ZNF714: variants seen among roughly 807,000 people sequenced by gnomAD.
The protein encoded by ZNF714 is zinc finger protein 714.
ZNF714 carries 32 observed loss-of-function variants against 46.2 expected under a neutral mutation model. The ratio of observed to expected loss-of-function variants is 0.69; its 90% CI spans 0.52 to 0.93. The LOEUF (loss-of-function observed/expected upper bound fraction) is 0.93, where lower values mean the gene tolerates loss of function less well. ZNF714 is among the 40% of genes least tolerant of loss of function. The probability of loss-of-function intolerance (pLI) is 0.00; values close to 1 mark genes in which losing one functional copy is unlikely to be tolerated. For missense variants in ZNF714, 635 were observed against 646.3 expected, an observed-to-expected ratio of 0.98 and a Z score of 0.19; for synonymous variants, 199 against 213.1, an observed-to-expected ratio of 0.93 and a Z score of 0.58.
rs1057487845 is a variant in ZNF714, at chr19:21,124,741, T to A, written c.*6409T>A. ...TATAATTACTTATTATTTGACAGACTTTCCAAACCCCCATTTCTTCTAAAT... is the reference window on the plus strand; with the variant it reads ...TATAATTACTTATTATTTGACAGACATTCCAAACCCCCATTTCTTCTAAAT... On this transcript the variant is annotated 3_prime_UTR_variant, in exon 5 of 5. Transcript: ENST00000456283. 6.6e-6 allele frequency among the ~76,000 whole-genome samples: 1 copy of A among 151,994 alleles called. No homozygotes were observed. Among genetic ancestry groups the A allele is most frequent in the African/African-American group, 2.4e-5 (1 of 41,398 alleles).
intron 3 of ZNF714, among the ~76,000 whole-genome samples, chr19:21,098,598 T>A (rs1969097210): frequency 6.6e-6 from 1 of 152,180 alleles, no homozygotes; most frequent in Non-Finnish European, 1.5e-5. Context: ...AAATCTATTT[T>A]CCACTGTCAA....
chr19:21,083,365 C>T (rs566837124), intron 1 of ZNF714, among the ~76,000 whole-genome samples: 1 of 152,256 alleles, frequency 6.6e-6, no homozygotes, highest in African/African-American at 2.4e-5. Context: ...AATCCAGGGA[C>T]TAGAGACACC....
At chr19:21,083,042 A>AT (rs71176807) in intron 1 of ZNF714, among the ~76,000 whole-genome samples, 118,589 of 148,360 alleles carry the variant, frequency 0.8, 49,350 homozygotes, top group Non-Finnish European at 0.91. Flanking sequence ...CCTCAGTTAG[A>AT]TTTTTTTTTT....
intron 4 of ZNF714, among the ~76,000 whole-genome samples, chr19:21,115,953 T>A (rs1344981612): frequency 6.6e-6 from 1 of 151,774 alleles, no homozygotes; most frequent in East Asian, 1.9e-4. Context: ...TTTTAATTTT[T>A]AAAATTAATA....
chr19:21,083,067 C>T (rs1467272458), intron 1 of ZNF714, among the ~76,000 whole-genome samples: 2 of 149,632 alleles, frequency 1.3e-5, no homozygotes, highest in African/African-American at 2.5e-5. Flanking sequence ...GATGGAGTTT[C>T]GCTCTTGTTG....
intron 2 of ZNF714, among the ~76,000 whole-genome samples, chr19:21,093,805 T>C (rs1599533182): frequency 6.6e-6 from 1 of 151,740 alleles, no homozygotes; most frequent in East Asian, 1.9e-4. Context: ...AACTTCTTTT[T>C]CTATCGTTTG....
At chr19:21,088,818 A>G (rs1336510297) in intron 2 of ZNF714, among the ~76,000 whole-genome samples, 1 of 152,192 alleles carries the variant, frequency 6.6e-6, no homozygotes, top group Non-Finnish European at 1.5e-5. Context: ...ATGGCTTAAT[A>G]AGTAAACAGC....
At chr19:21,093,965 A>G (rs1425549432) in intron 2 of ZNF714, among the ~76,000 whole-genome samples, 1 of 152,036 alleles carries the variant, frequency 6.6e-6, no homozygotes, top group Non-Finnish European at 1.5e-5. Context: ...GTCTACATTA[A>G]TAGGCAATTA....
rs139379711 is a variant in ZNF714, at chr19:21,096,901, C to G, written c.-84-1284C>G. Among the ~76,000 whole-genome samples, 271 of 152,256 alleles carry G rather than the reference C, an allele frequency of 1.8e-3. 1 individual carries two copies. The highest frequency in any genetic ancestry group is 6.4e-3 in the African/African-American group (264 of 41,536). ...TTATTGTTTGAGACAGAGTCTCGCT[C>G]TGTTGCCCAGGCTAGAGTGCAGTGG... On this transcript the variant is annotated intron_variant, in intron 2 of 4. Transcript: ENST00000456283.
intron 2 of ZNF714, among the ~76,000 whole-genome samples, chr19:21,087,927 A>G (rs770379995): frequency 1.3e-5 from 2 of 152,220 alleles, no homozygotes; most frequent in Non-Finnish European, 2.9e-5. Flanking sequence ...ACATGTTACA[A>G]TGTTAACTCT....
At position 21,117,593 on chromosome 19, in the gene ZNF714, A is replaced by C; in HGVS notation, c.929A>C (p.Glu310Ala). 2 of 1,609,550 alleles carry C rather than the reference A, an allele frequency of 1.2e-6. No individual in the cohort carries two copies. Among genetic ancestry groups the C allele is most frequent in the Non-Finnish European group, 1.7e-6 (2 of 1,177,462 alleles). ...LTKHKIIHSG[E>A]KSYKCEQCGK... ...AAACATAAGATAATTCATTCTGGAG[A>C]GAAATCTTACAAATGTGAACAATGT... The change falls in exon 5 of 5, where the codon GAG becomes GCG. Residue 310 changes from glutamate to alanine, a missense_variant. By Grantham distance (107) the Glu-to-Ala change is moderately radical (BLOSUM62 -1). Coordinates refer to ENST00000456283, the MANE Select transcript of ZNF714 (RefSeq NM_182515.4).
At position 21,115,343 on chromosome 19, in the gene ZNF714, C is replaced by T. The variant is rs529611724; in HGVS notation, c.143-1464C>T. Among the ~76,000 whole-genome samples the T allele has an allele frequency of 4.6e-5, 7 of 151,424 alleles. No homozygotes were observed. The South Asian group carries it at 1.3e-3, about 27-fold the overall frequency. On this transcript the variant is annotated intron_variant, in intron 4 of 4. Coordinates refer to ENST00000456283, the MANE Select transcript of ZNF714 (RefSeq NM_182515.4). ...TCCATTTTTGTGTATGTGCATGTTT[C>T]CCTAGAAAATAATGTATTTATATGA...
At chr19:21,100,914 T>C (rs1271789965) in intron 4 of ZNF714, among the ~76,000 whole-genome samples, 3 of 152,130 alleles carry the variant, frequency 2.0e-5, no homozygotes, top group African/African-American at 7.2e-5. Context: ...TTTCACTATG[T>C]TGGCCAGGCT....
At chr19:21,093,002 C>T (rs112574014) in intron 2 of ZNF714, among the ~76,000 whole-genome samples, 11,237 of 149,968 alleles carry the variant, frequency 0.075, 481 homozygotes, top group Non-Finnish European at 0.086. Flanking sequence ...CTCCGCCTCC[C>T]GGGTTCATGC....
intron 4 of ZNF714, among the ~76,000 whole-genome samples, chr19:21,115,588 T>C: frequency 6.6e-6 from 1 of 151,962 alleles, no homozygotes; most frequent in East Asian, 1.9e-4. Context: ...ACAGTTTCCT[T>C]CTGGCCTGCA....
At chr19:21,093,836 G>A (rs1968978490) in intron 2 of ZNF714, among the ~76,000 whole-genome samples, 3 of 152,242 alleles carry the variant, frequency 2.0e-5, no homozygotes, top group Admixed American at 2.0e-4. Flanking sequence ...GTTTTGTCAT[G>A]TTGCCCAGGC....
rs1969708453 is a variant in ZNF714, at chr19:21,121,879, T to C, written c.*3547T>C. ...TTCTTACATTTTTTTTGTTTTATGGTTTAGGAAGTATTCATTATATGAGCT... is the reference window on the plus strand; with the variant it reads ...TTCTTACATTTTTTTTGTTTTATGGCTTAGGAAGTATTCATTATATGAGCT... On this transcript the variant is annotated 3_prime_UTR_variant, in exon 5 of 5. Transcript: ENST00000456283. The C allele has an allele frequency of 1.3e-5, 2 of 152,144 alleles. No homozygotes were observed. Among genetic ancestry groups the C allele is most frequent in the Admixed American group, 1.3e-4 (2 of 15,268 alleles). The allele number at this position is 152,144 out of a possible 1,614,324, so 9.4% of individuals were successfully genotyped here.
Position 21,120,140 on chromosome 19 carries a change from C to T in ZNF714, c.*1808C>T, listed in dbSNP as rs1274014584. On this transcript the variant is annotated 3_prime_UTR_variant, in exon 5 of 5. Coordinates refer to ENST00000456283, the MANE Select transcript of ZNF714 (RefSeq NM_182515.4). The stretch of plus-strand genomic sequence containing the variant: ...CACTGCAACCTTCAATTTCCAGTTT[C>T]AAGCGATTCTCCTCCCTCAGCCTCC... 6 of 152,208 alleles carry T rather than the reference C, an allele frequency of 3.9e-5. No homozygotes were observed. Among genetic ancestry groups the T allele is most frequent in the Admixed American group, 1.3e-4 (2 of 15,266 alleles). 9.4% of individuals were successfully genotyped at this position (152,208 alleles called of 1,614,324 possible). A position where few individuals can be genotyped will look rare whatever the true frequency, so the allele number is the denominator to read the frequency against.
chr19:21,083,585 T>A (rs1391177685), intron 1 of ZNF714, among the ~76,000 whole-genome samples: 1 of 152,222 alleles, frequency 6.6e-6, no homozygotes, highest in East Asian at 1.9e-4. Context: ...ATTCACGTTA[T>A]CACCTGTTTG....
Sources: gnomAD v4.1 joint callset for allele counts (sites outside exome capture counted in the v4.1 genomes callset) on GRCh38, gnomAD v4.1.1 for gene constraint, MANE v1.5 for transcripts, NCBI Gene and HGNC (gene_info 2026-07-23, HGNC 2026-07-21) for gene names.